The following GJA8 variants were observed in gnomAD, a reference collection of about 807,000 sequenced individuals.
GJA8 encodes the protein gap junction alpha-8 protein.
Under a neutral mutation model 15.3 loss-of-function variants are expected in GJA8, and 13 were observed. The observed-to-expected ratio is 0.85, with a 90% CI of 0.55 to 1.35. GJA8 has a LOEUF of 1.35. Ranked by LOEUF, GJA8 falls within the 40% of genes most tolerant of loss-of-function variation. The pLI is 0.00. For synonymous variants in GJA8, 304 were observed against 238.7 expected (o/e 1.27, Z -2.52); for missense variants, 607 against 553.3 (o/e 1.10, Z -0.97).
At chr1:147,904,983 C>T (rs1350839165) in intron 1 of GJA8, among the ~76,000 whole-genome samples, 1 of 152,156 alleles carries the variant, frequency 6.6e-6, no homozygotes, top group Non-Finnish European at 1.5e-5. Flanking sequence ...TATCATGACA[C>T]TCTTGTCAAG....
At position 147,908,196 on chromosome 1, in the gene GJA8, C is replaced by G; in HGVS notation, c.241C>G (p.Gln81Glu). ...PISHIRLWVL[Q>E]IIFVSTPSLM... ...CTCCCACATTCGCCTCTGGGTGCTGCAGATCATCTTCGTCTCCACCCCGTC... is the reference window on the plus strand; with the variant it reads ...CTCCCACATTCGCCTCTGGGTGCTGGAGATCATCTTCGTCTCCACCCCGTC... The change falls in exon 2 of 2, where the codon CAG becomes GAG. Residue 81 changes from glutamine to glutamate, a missense_variant. By Grantham distance (29) the Gln-to-Glu change is conservative. Transcript: ENST00000369235. 6.2e-7 allele frequency: 1 copy of G among 1,614,206 alleles called. No homozygotes were observed. Among genetic ancestry groups the G allele is most frequent in the Non-Finnish European group, 8.5e-7 (1 of 1,180,026 alleles).
chr1:147,912,796 C>A (rs1302641948), downstream of GJA8, among the ~76,000 whole-genome samples: 4 of 151,006 alleles, frequency 2.6e-5, no homozygotes, highest in African/African-American at 9.8e-5. Context: ...ACACCACCCT[C>A]AGGGGATATC....
rs782816721 is a variant in GJA8, at chr1:147,904,854, T to TA, written c.-12+2002dup. 1.5e-4 allele frequency among the ~76,000 whole-genome samples: 23 copies of TA among 151,546 alleles called. No individual in the cohort carries two copies. The South Asian group carries it at 1.7e-3, about 11-fold the overall frequency. On this transcript the variant is annotated intron_variant, in intron 1 of 1. Transcript: ENST00000369235. ...TCACAAGAAACTGTAACTAGACATT[T>TA]AAAAAAAAATACAATCTTAGCATGG...
chr1:147,903,546 G>A (rs587747928), intron 1 of GJA8, among the ~76,000 whole-genome samples: 1 of 152,200 alleles, frequency 6.6e-6, no homozygotes, highest in Non-Finnish European at 1.5e-5. Flanking sequence ...GGGCTATGCT[G>A]TAATGGGCTT....
At position 147,908,036 on chromosome 1, in the gene GJA8, C is replaced by T. The variant is rs781993381; in HGVS notation, c.81C>T (p.Thr27=). 11 of 1,613,936 alleles carry T rather than the reference C, an allele frequency of 6.8e-6. No homozygotes were observed. The East Asian group carries it at 1.6e-4, about 23-fold the overall frequency. Reference sequence around the variant, plus strand: ...CCGTCATCGGCAGAGTCTGGCTCACCGTGCTTTTCATCTTCCGGATCCTCA... The same window carrying T: ...CCGTCATCGGCAGAGTCTGGCTCACTGTGCTTTTCATCTTCCGGATCCTCA... The part of the protein sequence containing the change: ...HSTVIGRVWL[T]VLFIFRILIL... Residue 27 remains threonine, a synonymous_variant, in exon 2 of 2, where the codon ACC becomes ACT. Coordinates refer to ENST00000369235, the MANE Select transcript of GJA8 (RefSeq NM_005267.5).
Position 147,908,469 on chromosome 1 carries a change from C to G in GJA8, c.514C>G (p.Leu172Val). 6.2e-7 allele frequency: 1 copy of G among 1,614,234 alleles called. No homozygotes were observed. Among genetic ancestry groups the G allele is most frequent in the South Asian group, 1.1e-5 (1 of 91,086 alleles). ...EVGFIVGHYFLYGFRILPLYR... is the reference protein window; with the variant it reads ...EVGFIVGHYFVYGFRILPLYR... ...GGGCTTCATCGTGGGCCACTACTTC[C>G]TGTACGGGTTCCGGATCCTGCCTCT... The change falls in exon 2 of 2, where the codon CTG becomes GTG. Residue 172 changes from leucine to valine, a missense_variant. Transcript: ENST00000369235.
At chr1:147,910,947 A>T (rs781905212), downstream of GJA8, among the ~76,000 whole-genome samples, 1 of 152,314 alleles carries the variant, frequency 6.6e-6, no homozygotes, top group Admixed American at 6.5e-5. Context: ...CCTCAAACAC[A>T]GAGTCTGTTC....
Position 147,908,779 on chromosome 1 carries a change from T to C in GJA8, c.824T>C (p.Val275Ala), listed in dbSNP as rs782771002. ...GYQLLEEEKI[V>A]SHYFPLTEVG... Reference sequence around the variant, plus strand: ...CAGCTCCTAGAAGAAGAGAAAATCGTTTCCCACTATTTCCCCTTGACCGAG... The same window carrying C: ...CAGCTCCTAGAAGAAGAGAAAATCGCTTCCCACTATTTCCCCTTGACCGAG... Residue 275 changes from valine to alanine, a missense_variant, in exon 2 of 2, where the codon GTT becomes GCT. By Grantham distance (64) the Val-to-Ala change is moderately conservative. Coordinates refer to ENST00000369235, the MANE Select transcript of GJA8 (RefSeq NM_005267.5). The C allele has an allele frequency of 6.2e-7, 1 of 1,614,146 alleles. No individual in the cohort carries two copies. Among genetic ancestry groups the C allele is most frequent in the Admixed American group, 1.7e-5 (1 of 60,014 alleles).
At position 147,908,986 on chromosome 1, in the gene GJA8, C is replaced by A. The variant is rs1375373982; in HGVS notation, c.1031C>A (p.Pro344His). ...EGPPAEEGAE[P>H]EVGEKKEEAE... The stretch of plus-strand genomic sequence containing the variant: ...CCGCCTGCAGAGGAGGGAGCCGAAC[C>A]CGAGGTGGGAGAGAAGAAGGAGGAA... The change falls in exon 2 of 2, where the codon CCC becomes CAC. Residue 344 changes from proline to histidine, a missense_variant. By Grantham distance (77) the Pro-to-His change is moderately conservative (BLOSUM62 -2). Coordinates refer to ENST00000369235, the MANE Select transcript of GJA8 (RefSeq NM_005267.5). 1 of 1,596,368 alleles carries A rather than the reference C, an allele frequency of 6.3e-7. No homozygotes were observed. The highest frequency in any genetic ancestry group is 1.3e-5 in the African/African-American group (1 of 74,484).
At chr1:147,905,048 T>C (rs1553242092) in intron 1 of GJA8, among the ~76,000 whole-genome samples, 1 of 152,206 alleles carries the variant, frequency 6.6e-6, no homozygotes. Flanking sequence ...AGCAGTTTTG[T>C]GTCTCAGAGC....
chr1:147,903,561 C>A (rs1553241889), intron 1 of GJA8, among the ~76,000 whole-genome samples: 1 of 152,168 alleles, frequency 6.6e-6, no homozygotes, highest in Non-Finnish European at 1.5e-5. Context: ...GGGCTTAGAT[C>A]TAGAAGACCA....
chr1:147,909,668 G>A (rs1323479741), downstream of GJA8, among the ~76,000 whole-genome samples: 2 of 152,142 alleles, frequency 1.3e-5, no homozygotes, highest in East Asian at 3.9e-4. Context: ...GATACCATGT[G>A]ACCATATTTC....
chr1:147,903,802 TTAAG>T (rs1651692091), intron 1 of GJA8, among the ~76,000 whole-genome samples: 1 of 152,206 alleles, frequency 6.6e-6, no homozygotes, highest in African/African-American at 2.4e-5. Context: ...TTTCACCAAG[TTAAG>T]TGTGTTCAAT....
chr1:147,908,458 G>T lies in GJA8; in HGVS notation c.503G>T (p.Gly168Val). Residue 168 changes from glycine (G) to valine (V), a missense_variant, in exon 2 of 2, where the codon GGC becomes GTC. Coordinates refer to ENST00000369235, the MANE Select transcript of GJA8 (RefSeq NM_005267.5). ...KTLFEVGFIV[G>V]HYFLYGFRIL... ...CTCTTTGAAGTGGGCTTCATCGTGGGCCACTACTTCCTGTACGGGTTCCGG... is the reference window on the plus strand; with the variant it reads ...CTCTTTGAAGTGGGCTTCATCGTGGTCCACTACTTCCTGTACGGGTTCCGG... 1.2e-6 allele frequency: 2 copies of T among 1,614,176 alleles called. No homozygotes were observed. The highest frequency in any genetic ancestry group is 1.7e-6 in the Non-Finnish European group (2 of 1,180,028).
chr1:147,908,792 C>T lies in GJA8; in HGVS notation c.837C>T (p.Phe279=), dbSNP rs782541622. 3 of 1,614,190 alleles carry T rather than the reference C, an allele frequency of 1.9e-6. No homozygotes were observed. In the South Asian group the frequency reaches 3.3e-5, roughly 18 times the overall value. The change falls in exon 2 of 2, where the codon TTC becomes TTT. Residue 279 remains phenylalanine (F), a synonymous_variant. Coordinates refer to ENST00000369235, the MANE Select transcript of GJA8 (RefSeq NM_005267.5). ...LEEEKIVSHY[F]PLTEVGMVET... The stretch of plus-strand genomic sequence containing the variant: ...AAGAGAAAATCGTTTCCCACTATTT[C>T]CCCTTGACCGAGGTTGGGATGGTGG...
intron 1 of GJA8, among the ~76,000 whole-genome samples, 106 bp downstream of exon 1, chr1:147,902,967 C>T (rs893811481): frequency 6.6e-6 from 1 of 152,102 alleles, no homozygotes; most frequent in Admixed American, 6.5e-5. Context: ...AAAAAGGTTG[C>T]CAATAAGATT....
At chr1:147,904,306 T>G (rs1651710771) in intron 1 of GJA8, among the ~76,000 whole-genome samples, 1 of 152,054 alleles carries the variant, frequency 6.6e-6, no homozygotes, top group Admixed American at 6.6e-5. Context: ...CACTAGTTTG[T>G]TATTATTATA....
intron 1 of GJA8, among the ~76,000 whole-genome samples, chr1:147,905,080 C>G (rs782109860): frequency 1.3e-5 from 2 of 152,144 alleles, no homozygotes; most frequent in Non-Finnish European, 2.9e-5. Flanking sequence ...GATCAATTTA[C>G]TATCCTTTTT....
Position 147,909,189 on chromosome 1 carries a change from G to A in GJA8, c.1234G>A (p.Asp412Asn). ...ACTCTGTCCAGAGCTGACAACAGAT[G>A]ATGCCAGACCCCTGAGCAGGCTAAG... ...PSLCPELTTD[D>N]ARPLSRLSKA... The change falls in exon 2 of 2, where the codon GAT (aspartate) becomes AAT (asparagine). Residue 412 changes from aspartate to asparagine, a missense_variant. By Grantham distance (23) the Asp-to-Asn change is conservative. Transcript: ENST00000369235. The A allele has an allele frequency of 6.3e-7, 1 of 1,595,462 alleles. No homozygotes were observed. Among genetic ancestry groups the A allele is most frequent in the African/African-American group, 1.4e-5 (1 of 73,938 alleles).
Sources: allele counts gnomAD v4.1 joint callset (sites outside exome capture counted in the v4.1 genomes callset), GRCh38; gene constraint gnomAD v4.1.1; transcripts MANE v1.5; gene names NCBI Gene and HGNC (gene_info 2026-07-23, HGNC 2026-07-21).